Variants in NFAM1 observed in about 807,000 individuals in gnomAD.
The protein encoded by NFAM1 is NFAT activation molecule 1.
NFAM1 carries 17 observed loss-of-function variants against 29.0 expected under a neutral mutation model. The ratio of observed to expected loss-of-function variants is 0.59; its 90% CI spans 0.40 to 0.88. NFAM1 has a LOEUF of 0.88. Among genes scored for constraint, NFAM1 ranks in the 40% least tolerant of loss-of-function variants. The pLI, the probability that NFAM1 is intolerant of heterozygous loss-of-function variation, is 0.00. For missense variants in NFAM1, 324 were observed against 344.6 expected (o/e 0.94, Z 0.47); for synonymous variants, 175 against 147.2 (o/e 1.19, Z -1.36).
chr22:42,411,901 T>G (rs1475550229), intron 1 of NFAM1, among the ~76,000 whole-genome samples, 165 bp from the exon 2 acceptor site: 1 of 152,086 alleles, frequency 6.6e-6, no homozygotes, highest in Admixed American at 6.5e-5. Flanking sequence ...AGTTCAAGAC[T>G]AGCCTGGCCA....
intron 5 of NFAM1, among the ~76,000 whole-genome samples, chr22:42,386,284 G>T (rs1929136068): frequency 6.6e-6 from 1 of 151,982 alleles, no homozygotes. Flanking sequence ...TGAGGCAGGA[G>T]AATTGCTTGA....
intron 1 of NFAM1, among the ~76,000 whole-genome samples, chr22:42,416,363 G>A (rs74347238): frequency 0.015 from 2,269 of 152,274 alleles, 58 homozygotes; most frequent in African/African-American, 0.052. Flanking sequence ...ATCATGAGTG[G>A]TGGGGCCAGG....
rs35476930 is a variant in NFAM1 at position 42,388,213 on chromosome 22, G to T, written c.664-1135C>A. ...GTAGGTTCGAATCTCGGCTCTGACT[G>T]CGCCAGCCAAAGGCAACCCCTTAAC... On this transcript the variant is annotated intron_variant, in intron 4 of 5. Coordinates refer to ENST00000329021, the MANE Select transcript of NFAM1 (RefSeq NM_145912.8). The surrounding 1 kb of genome is among the most constrained non-coding windows in gnomAD (Gnocchi z 4.1). Among the ~76,000 whole-genome samples, 1 of 151,700 alleles carries T rather than the reference G, an allele frequency of 6.6e-6. No homozygotes were observed. Among genetic ancestry groups the T allele is most frequent in the Non-Finnish European group, 1.5e-5 (1 of 67,892 alleles).
chr22:42,397,756 C>A, intron 4 of NFAM1, 102 bp downstream of exon 4: 1 of 731,540 alleles, frequency 1.4e-6, no homozygotes, highest in South Asian at 1.5e-5. Context: ...CTAGGAGAGT[C>A]CACACAGCTG....
At chr22:42,395,576 TG>T (rs1929492184) in intron 4 of NFAM1, among the ~76,000 whole-genome samples, 2 of 151,184 alleles carry the variant, frequency 1.3e-5, no homozygotes, top group Admixed American at 6.6e-5. Flanking sequence ...ATGACATGAC[TG>T]GGTTCGTAGA....
At position 42,381,334 on chromosome 22, in the gene NFAM1, T is replaced by TG. The variant is rs1452738522; in HGVS notation, c.*3826dup. ...TGACAGAGCAGGAGTCAAGCGGGGG[T>TG]GGGGTTGGAGGCTGAAACCCATTGA... is the stretch of plus-strand genomic sequence containing the variant. On this transcript the variant is annotated 3_prime_UTR_variant, in exon 6 of 6. Coordinates refer to ENST00000329021, the MANE Select transcript of NFAM1 (RefSeq NM_145912.8). The TG allele has an allele frequency of 4.6e-5, 7 of 152,386 alleles. No homozygotes were observed. The East Asian group carries it at 1.4e-3, about 30-fold the overall frequency. 9.4% of individuals were successfully genotyped at this position (152,386 alleles called of 1,614,324 possible).
intron 1 of NFAM1, among the ~76,000 whole-genome samples, chr22:42,412,530 T>C (rs6002725): frequency 0.3 from 45,299 of 152,134 alleles, 7,034 homozygotes; most frequent in Admixed American, 0.38. Context: ...CAACCCCTCT[T>C]CTTCCCAAAG....
At chr22:42,416,481 G>C (rs1480854512) in intron 1 of NFAM1, among the ~76,000 whole-genome samples, 1 of 152,188 alleles carries the variant, frequency 6.6e-6, no homozygotes, top group Non-Finnish European at 1.5e-5. Context: ...ACTGGGCACA[G>C]TAGCCATCAG....
intron 4 of NFAM1, among the ~76,000 whole-genome samples, chr22:42,387,601 TA>T (rs1929195142): frequency 7.5e-6 from 1 of 132,466 alleles, no homozygotes; most frequent in African/African-American, 2.8e-5. Flanking sequence ...TATTCAAGGA[TA>T]ACCCAGGCAC....
chr22:42,430,231 C>A (rs1045571515), intron 1 of NFAM1, among the ~76,000 whole-genome samples: 16 of 150,294 alleles, frequency 1.1e-4, no homozygotes, highest in Admixed American at 8.7e-4. Context: ...CCACTGCACT[C>A]CAGCCTGGTG....
At chr22:42,407,081 C>CTTTT (rs1177618694) in intron 3 of NFAM1, among the ~76,000 whole-genome samples, 3,120 of 118,930 alleles carry the variant, frequency 0.026, 146 homozygotes, top group African/African-American at 0.094. Flanking sequence ...GGACCTTCCT[C>CTTTT]TTTTTTTTTT....
At chr22:42,387,540 C>T (rs1929192606) in intron 4 of NFAM1, among the ~76,000 whole-genome samples, 1 of 122,512 alleles carries the variant, frequency 8.2e-6, no homozygotes. Flanking sequence ...CTGTGAGGGT[C>T]CTCCCACCCA....
intron 1 of NFAM1, among the ~76,000 whole-genome samples, chr22:42,420,790 T>G (rs1465890979): frequency 6.6e-6 from 1 of 151,732 alleles, no homozygotes; most frequent in African/African-American, 2.4e-5. Flanking sequence ...ACAAACAAAC[T>G]CCTCAAAGCA....
chr22:42,386,428 A>C (rs1227177393), intron 5 of NFAM1, among the ~76,000 whole-genome samples: 4 of 88,114 alleles, frequency 4.5e-5, no homozygotes, highest in East Asian at 6.0e-4. Flanking sequence ...CACACACACA[A>C]AACAAAAACA....
At position 42,385,128 on chromosome 22, in the gene NFAM1, C is replaced by T; in HGVS notation, c.*33G>A. On this transcript the variant is annotated 3_prime_UTR_variant, in exon 6 of 6. Transcript: ENST00000329021. Reference sequence around the variant, plus strand: ...GCAGGGGCTGCCCCGGTCCTCTGACCCAGGGCAAGCTCTATGAGCGGTGGA... The same window carrying T: ...GCAGGGGCTGCCCCGGTCCTCTGACTCAGGGCAAGCTCTATGAGCGGTGGA... The T allele has an allele frequency of 6.3e-7, 1 of 1,589,888 alleles. No individual in the cohort carries two copies. Among genetic ancestry groups the T allele is most frequent in the Non-Finnish European group, 8.6e-7 (1 of 1,158,374 alleles).
At chr22:42,432,021 G>A (rs562667366) in intron 1 of NFAM1, among the ~76,000 whole-genome samples, 16 of 152,218 alleles carry the variant, frequency 1.1e-4, no homozygotes, top group African/African-American at 3.4e-4. Context: ...GGGAGAGAGC[G>A]CTGTCCCCCT....
intron 5 of NFAM1, among the ~76,000 whole-genome samples, chr22:42,386,273 C>G (rs1478436704): frequency 1.3e-5 from 2 of 151,958 alleles, no homozygotes; most frequent in African/African-American, 4.8e-5. Context: ...ACTCGGGAGG[C>G]TGAGGCAGGA....
intron 3 of NFAM1, among the ~76,000 whole-genome samples, chr22:42,401,328 G>A (rs1318371069): frequency 3.9e-5 from 6 of 152,252 alleles, no homozygotes. Flanking sequence ...TGAGCCACAG[G>A]CTGGCACGGG....
rs1336640134 is a variant in NFAM1, at chr22:42,409,586, C to A, written c.452-39G>T. On this transcript the variant is annotated intron_variant, in intron 2 of 5. Transcript: ENST00000329021. This position sits in a 1 kb window ranked among gnomAD's most constrained non-coding sequence, Gnocchi z 4.9. ...CAGGGGAGCAGAGGGGTCAGTGACC[C>A]AGGAGAAAGCGGGGCACACACACCT... 9.4e-7 allele frequency: 1 copy of A among 1,069,174 alleles called. No homozygotes were observed. The allele number at this position is 1,069,174 out of a possible 1,614,324, so 66.2% of individuals were successfully genotyped here.
Sources: allele counts gnomAD v4.1 joint callset (sites outside exome capture counted in the v4.1 genomes callset), GRCh38; gene constraint gnomAD v4.1.1; non-coding constraint Gnocchi (gnomAD v3.1); transcripts MANE v1.5; gene names NCBI Gene and HGNC (gene_info 2026-07-23, HGNC 2026-07-21).